The following SORCS1 variants were observed in gnomAD, a reference collection of about 807,000 sequenced individuals.
The protein encoded by SORCS1 is VPS10 domain-containing receptor SorCS1.
SORCS1 carries 60 observed loss-of-function variants against 146.1 expected under a neutral mutation model. The observed-to-expected ratio is 0.41, with a 90% CI of 0.33 to 0.51. The LOEUF (loss-of-function observed/expected upper bound fraction) is 0.51. Ranked by LOEUF, SORCS1 falls within the 20% of genes least tolerant of loss-of-function variation. SORCS1 has a pLI of 0.21. For missense variants in SORCS1, 1,352 were observed against 1,487.6 expected (o/e 0.91, Z 1.50); for synonymous variants, 637 against 584.0 (o/e 1.09, Z -1.31).
intron 5 of SORCS1, among the ~76,000 whole-genome samples, chr10:106,740,158 T>A (rs562383962): frequency 6.6e-6 from 1 of 152,224 alleles, no homozygotes; most frequent in South Asian, 2.1e-4. Context: ...GTACAGTACT[T>A]ACATACTAAC....
At chr10:107,158,373 G>A (rs1417710276) in intron 1 of SORCS1, among the ~76,000 whole-genome samples, 2 of 152,202 alleles carry the variant, frequency 1.3e-5, no homozygotes, top group Non-Finnish European at 2.9e-5. Flanking sequence ...TGGATATAAA[G>A]AGGAATGTTT....
intron 14 of SORCS1, among the ~76,000 whole-genome samples, chr10:106,674,773 T>G (rs1471093240): frequency 6.6e-6 from 1 of 152,224 alleles, no homozygotes; most frequent in Non-Finnish European, 1.5e-5. Context: ...ATATCCAGGT[T>G]CTTTATTACT....
In SORCS1 at chr10:106,688,273, G is replaced by A. The variant is rs145364719; in HGVS notation, c.1479C>T (p.Ile493=). Residue 493 remains isoleucine, a synonymous_variant, in exon 10 of 26, where the codon ATC becomes ATT. Transcript: ENST00000263054. ...KKIDNQVKTF[I]TYNKGRDWRL... ...GCCAGTCTCTGCCTTTGTTATATGT[G>A]ATGAAAGTCTTCACTTGGTTGTCAA... 2 of 1,613,884 alleles carry A rather than the reference G, an allele frequency of 1.2e-6. No individual in the cohort carries two copies. Among genetic ancestry groups the A allele is most frequent in the African/African-American group, 2.7e-5 (2 of 74,922 alleles).
chr10:107,124,218 G>C (rs540034182), intron 1 of SORCS1, among the ~76,000 whole-genome samples: 107 of 152,216 alleles, frequency 7.0e-4, no homozygotes, highest in Admixed American at 2.0e-3. Flanking sequence ...TGTTGTTATT[G>C]TTCTTGCTGA....
intron 1 of SORCS1, among the ~76,000 whole-genome samples, chr10:106,978,273 G>T (rs12240473): frequency 0.076 from 11,621 of 152,134 alleles, 1,233 homozygotes; most frequent in African/African-American, 0.24. Flanking sequence ...CCAGCCTGGT[G>T]GGAGATCAGA....
chr10:106,885,754 G>A (rs1258004245), intron 2 of SORCS1, among the ~76,000 whole-genome samples: 5 of 152,126 alleles, frequency 3.3e-5, no homozygotes, highest in Non-Finnish European at 5.9e-5. Flanking sequence ...TTATGGGAGG[G>A]ACCAGGTGGA....
chr10:106,815,221 T>C (rs1258816348), intron 3 of SORCS1, among the ~76,000 whole-genome samples: 1 of 152,082 alleles, frequency 6.6e-6, no homozygotes, highest in Non-Finnish European at 1.5e-5. Context: ...CCTCCCAAAG[T>C]GCTAGGGTTA....
chr10:107,129,765 T>G (rs1966849209), intron 1 of SORCS1, among the ~76,000 whole-genome samples: 1 of 152,250 alleles, frequency 6.6e-6, no homozygotes, highest in Non-Finnish European at 1.5e-5. Context: ...ATAACTTCTT[T>G]GATGGCTTGG....
intron 2 of SORCS1, among the ~76,000 whole-genome samples, chr10:106,876,145 A>G (rs1361698041): frequency 1.3e-5 from 2 of 152,126 alleles, no homozygotes; most frequent in Non-Finnish European, 2.9e-5. Context: ...TTCACTTAGA[A>G]CCAGGCAATT....
upstream of SORCS1, among the ~76,000 whole-genome samples, chr10:107,165,292 A>AGTGTGTGTGTGTGTGTGTGTGTGT (rs3982278): frequency 2.2e-4 from 32 of 142,710 alleles, no homozygotes; most frequent in African/African-American, 8.2e-4. This position sits in a 1 kb window ranked among gnomAD's most constrained non-coding sequence, Gnocchi z 4.0. Context: ...CTCGTGTGTG[A>AGTGTGTGTGTGTGTGTGTGTGTGT]GTGTGTGTGT....
intron 19 of SORCS1, among the ~76,000 whole-genome samples, chr10:106,622,827 G>A (rs547242898): frequency 6.6e-6 from 1 of 152,332 alleles, no homozygotes; most frequent in African/African-American, 2.4e-5. Flanking sequence ...TAGGAAAGCA[G>A]TTTGGTTTCA....
At chr10:106,888,735 T>A (rs1394637573) in intron 2 of SORCS1, among the ~76,000 whole-genome samples, 2 of 152,230 alleles carry the variant, frequency 1.3e-5, no homozygotes, top group African/African-American at 4.8e-5. Context: ...AAGATAAATA[T>A]AACCAACAGT....
At chr10:107,100,641 GA>G (rs1964859845) in intron 1 of SORCS1, among the ~76,000 whole-genome samples, 2 of 152,130 alleles carry the variant, frequency 1.3e-5, no homozygotes, top group African/African-American at 4.8e-5. Flanking sequence ...CTTGAAAATT[GA>G]GCTGAACAAT....
At chr10:107,082,840 T>C (rs1222502888) in intron 1 of SORCS1, among the ~76,000 whole-genome samples, 2 of 152,050 alleles carry the variant, frequency 1.3e-5, no homozygotes, top group Non-Finnish European at 2.9e-5. Flanking sequence ...GAGCTGGATT[T>C]CTTGATGTGA....
At position 107,164,414 on chromosome 10, in the gene SORCS1, C is replaced by A; in HGVS notation, c.113G>T (p.Cys38Phe). The change falls in exon 1 of 26, where the codon TGC (cysteine) becomes TTC (phenylalanine). Residue 38 changes from cysteine to phenylalanine, a missense_variant. Physicochemically the swap from Cys to Phe is radical, Grantham distance 205. Coordinates refer to ENST00000263054, the MANE Select transcript of SORCS1 (RefSeq NM_052918.5). The surrounding 1 kb of genome is among the most constrained non-coding windows in gnomAD (Gnocchi z 6.8). The part of the protein sequence containing the change: ...APGVCGGGSC[C>F]PSPHPSSAPR... ...AGCGGAGCTGGGGTGCGGCGAGGGG[C>A]AGCAGGAGCCGCCGCCGCAGACGCC... 1 of 1,413,708 alleles carries A rather than the reference C, an allele frequency of 7.1e-7. No homozygotes were observed. Among genetic ancestry groups the A allele is most frequent in the Non-Finnish European group, 9.2e-7 (1 of 1,089,210 alleles). The allele number at this position is 1,413,708 out of a possible 1,614,324, so 87.6% of individuals were successfully genotyped here.
intron 1 of SORCS1, among the ~76,000 whole-genome samples, chr10:107,063,703 G>T (rs567073391): frequency 2.0e-5 from 3 of 152,260 alleles, no homozygotes; most frequent in Admixed American, 6.5e-5. Context: ...TCCTGACAGG[G>T]ACTTAGCTTT....
At chr10:106,616,234 G>A (rs555922100) in intron 21 of SORCS1, among the ~76,000 whole-genome samples, 48 of 152,172 alleles carry the variant, frequency 3.2e-4, no homozygotes, top group African/African-American at 1.1e-3. Context: ...TCACCAACAT[G>A]CATAACCAAG....
At chr10:106,672,721 A>G in intron 15 of SORCS1, 147 bp downstream of exon 15, 12 of 655,698 alleles carry the variant, frequency 1.8e-5, no homozygotes, top group South Asian at 3.7e-5. Flanking sequence ...GAGTTTGTTC[A>G]CTGCTGTGGA....
intron 2 of SORCS1, among the ~76,000 whole-genome samples, chr10:106,890,812 A>AT (rs10710411): frequency 0.019 from 2,888 of 149,114 alleles, 47 homozygotes; most frequent in Middle Eastern, 0.04. Flanking sequence ...ATATACATAC[A>AT]TTTTTTTTTT....
Sources: gnomAD v4.1 joint callset for allele counts (sites outside exome capture counted in the v4.1 genomes callset) on GRCh38, gnomAD v4.1.1 for gene constraint, Gnocchi (gnomAD v3.1) non-coding constraint, MANE v1.5 for transcripts, NCBI Gene and HGNC (gene_info 2026-07-23, HGNC 2026-07-21) for gene names.